USH2A: variants seen among roughly 807,000 people sequenced by gnomAD.
USH2A encodes Usher syndrome 2A (autosomal recessive, mild).
In USH2A, 443 loss-of-function variants were observed where a neutral mutation model predicts 538.9. The ratio of observed to expected loss-of-function variants is 0.82; its 90% CI spans 0.76 to 0.89. The LOEUF is 0.89. Among genes scored for constraint, USH2A ranks in the 40% least tolerant of loss-of-function variants. The pLI is 0.00. For synonymous variants in USH2A, 2,413 were observed against 2,273.5 expected, an observed-to-expected ratio of 1.06 and a Z score of -1.75; for missense variants, 6,633 against 6,324.8, an observed-to-expected ratio of 1.05 and a Z score of -1.65.
intron 21 of USH2A, among the ~76,000 whole-genome samples, chr1:216,156,268 T>TTTTC (rs1006754917): frequency 6.8e-6 from 1 of 147,392 alleles, no homozygotes; most frequent in African/African-American, 2.5e-5. Context: ...CCTTCTTTCT[T>TTTTC]TTTCTTTCTT....
chr1:215,946,948 GA>G (rs912409127), intron 37 of USH2A, among the ~76,000 whole-genome samples: 2 of 151,178 alleles, frequency 1.3e-5, no homozygotes, highest in African/African-American at 2.4e-5. Flanking sequence ...AGATTTGGTA[GA>G]AAAAATAATG....
rs370643158 is a variant in USH2A at position 216,000,491 on chromosome 1, A to G, written c.6397T>C (p.Trp2133Arg). Residue 2133 changes from tryptophan (W) to arginine (R), a missense_variant, in exon 33 of 72, where the codon TGG (tryptophan) becomes CGG (arginine). Transcript: ENST00000307340. ...CTHVGCTNSSWVLLYTAQLPP... is the reference protein window; with the variant it reads ...CTHVGCTNSSRVLLYTAQLPP... ...AGCTGTGCTGTGTACAGTAGGACCCAGGAACTGTTTGTACAGCCCACATGT... is the reference window on the plus strand; with the variant it reads ...AGCTGTGCTGTGTACAGTAGGACCCGGGAACTGTTTGTACAGCCCACATGT... 12 of 1,613,624 alleles carry G rather than the reference A, an allele frequency of 7.4e-6. No homozygotes were observed. The African/African-American group carries it at 1.5e-4, about 20-fold the overall frequency.
chr1:216,044,531 C>T (rs2030429218), intron 32 of USH2A, among the ~76,000 whole-genome samples: 1 of 152,054 alleles, frequency 6.6e-6, no homozygotes, highest in East Asian at 1.9e-4. Context: ...TTAACCTATT[C>T]AGTTTTTACA....
At chr1:216,196,404 G>A (rs1446697711) in intron 19 of USH2A, 149 bp downstream of exon 19, 4 of 754,730 alleles carry the variant, frequency 5.3e-6, no homozygotes, top group Admixed American at 5.0e-5. Context: ...AAAGAGGGAG[G>A]CTTGTACACA....
At chr1:215,790,506 T>A (rs999304631) in intron 50 of USH2A, among the ~76,000 whole-genome samples, 4 of 152,156 alleles carry the variant, frequency 2.6e-5, no homozygotes, top group Admixed American at 6.5e-5. Flanking sequence ...GAGGAAATGT[T>A]CGAAAATCAT....
intron 6 of USH2A, 137 bp downstream of exon 6, chr1:216,325,168 G>T: frequency 9.7e-7 from 1 of 1,030,002 alleles, no homozygotes; most frequent in Non-Finnish European, 1.4e-6. Context: ...ATGTAGCCCT[G>T]CCAACATGTT....
At position 215,671,165 on chromosome 1, in the gene USH2A, C is replaced by T. The variant is rs1210072997; in HGVS notation, c.13940G>A (p.Gly4647Glu). 6 of 1,613,988 alleles carry T rather than the reference C, an allele frequency of 3.7e-6. No homozygotes were observed. Among genetic ancestry groups the T allele is most frequent in the Non-Finnish European group, 4.2e-6 (5 of 1,180,024 alleles). The change falls in exon 64 of 72, where the codon GGA becomes GAA. Residue 4647 changes from glycine to glutamate, a missense_variant. Gly to Glu is a moderately conservative substitution (Grantham distance 98). Coordinates refer to ENST00000307340, the MANE Select transcript of USH2A (RefSeq NM_206933.4). ...PPHLEVQMAP[G>E]GFQPTVSLLW... The stretch of plus-strand genomic sequence containing the variant: ...AAGAGAAACAGTTGGCTGGAATCCT[C>T]CTGGAGCCATTTGTACCTCCAGATG...
rs367564148 is a variant in USH2A, at chr1:215,799,829, T to TA, written c.9740-705dup. On this transcript the variant is annotated intron_variant, in intron 49 of 71. Transcript: ENST00000307340. ...GGTGAAACCCCATCTCTACTAAAAA[T>TA]AAAAAAATTATCCAGGCTTGGTGGT... Among the ~76,000 whole-genome samples, 377 of 151,750 alleles carry TA rather than the reference T, an allele frequency of 2.5e-3. 1 individual carries two copies. The highest frequency in any genetic ancestry group is 8.6e-3 in the African/African-American group (354 of 41,382).
At chr1:215,813,590 CA>C (rs1662763112) in intron 49 of USH2A, 145 bp downstream of exon 49, 1 of 924,130 alleles carries the variant, frequency 1.1e-6, no homozygotes. Context: ...AAGGAAGAAA[CA>C]ATATTTAGAG....
chr1:216,135,166 TCA>T (rs1428367157), intron 21 of USH2A, among the ~76,000 whole-genome samples: 1 of 90,302 alleles, frequency 1.1e-5, no homozygotes, highest in Non-Finnish European at 2.2e-5. Context: ...TCTCTCTCTC[TCA>T]CACACACACA....
chr1:216,040,502 T>C (rs570926392), intron 32 of USH2A, among the ~76,000 whole-genome samples: 1 of 152,162 alleles, frequency 6.6e-6, no homozygotes, highest in East Asian at 1.9e-4. Flanking sequence ...AAAAAGTTTG[T>C]AGGCTTTTTG....
intron 38 of USH2A, among the ~76,000 whole-genome samples, chr1:215,906,949 C>A: frequency 6.6e-6 from 1 of 151,954 alleles, no homozygotes. Context: ...TATCCTCTCA[C>A]CAAATAAGGA....
chr1:216,210,132 C>G (rs893715536), intron 15 of USH2A, among the ~76,000 whole-genome samples: 14 of 152,062 alleles, frequency 9.2e-5, no homozygotes, highest in African/African-American at 3.4e-4. Flanking sequence ...AGGGTTTCCC[C>G]ACTCAGTCGA....
chr1:216,111,612 A>G (rs1467041904), intron 21 of USH2A, among the ~76,000 whole-genome samples: 2 of 152,022 alleles, frequency 1.3e-5, no homozygotes, highest in Non-Finnish European at 1.5e-5. Context: ...TTATTAAACT[A>G]GTAGAATAAA....
At position 215,926,180 on chromosome 1, in the gene USH2A, T is replaced by C. The variant is rs1350485011; in HGVS notation, c.7300+8436A>G. ...ATATTCTTGCTTTTTGAGCCAGTTCTAGTTGCCCCTAATTCTCTTAGAGAC... is the reference window on the plus strand; with the variant it reads ...ATATTCTTGCTTTTTGAGCCAGTTCCAGTTGCCCCTAATTCTCTTAGAGAC... On this transcript the variant is annotated intron_variant, in intron 38 of 71. Transcript: ENST00000307340. Among the ~76,000 whole-genome samples the C allele has an allele frequency of 2.7e-5, 4 of 147,034 alleles. No individual in the cohort carries two copies. In the Admixed American group the frequency reaches 2.8e-4, roughly 10 times the overall value.
At chr1:215,742,180 C>A (rs1247575089) in intron 59 of USH2A, among the ~76,000 whole-genome samples, 7 of 152,100 alleles carry the variant, frequency 4.6e-5, no homozygotes, top group Non-Finnish European at 1.0e-4. Context: ...AACTGACTAG[C>A]CATTTCTGAT....
rs58631485 is a variant in USH2A, at chr1:215,682,711, G to A, written c.12067-2335C>T. ...TTTTAGGGGTATACTCCTACAAAGGGTCATTACAACAGTTGTTTTGCTTAA... is the reference window on the plus strand; with the variant it reads ...TTTTAGGGGTATACTCCTACAAAGGATCATTACAACAGTTGTTTTGCTTAA... On this transcript the variant is annotated intron_variant, in intron 61 of 71. Transcript: ENST00000307340. 2.8e-3 allele frequency among the ~76,000 whole-genome samples: 430 copies of A among 151,116 alleles called. 3 individuals carry two copies. The highest frequency in any genetic ancestry group is 7.8e-3 in the African/African-American group (319 of 41,124).
At chr1:215,806,289 C>A (rs529171170) in intron 49 of USH2A, among the ~76,000 whole-genome samples, 2 of 149,902 alleles carry the variant, frequency 1.3e-5, no homozygotes, top group East Asian at 3.9e-4. Context: ...AATTCCACTT[C>A]AGTGCATCTG....
chr1:216,082,966 T>G (rs2032000321), intron 26 of USH2A, among the ~76,000 whole-genome samples: 1 of 152,048 alleles, frequency 6.6e-6, no homozygotes, highest in South Asian at 2.1e-4. Flanking sequence ...AAAATTCTGA[T>G]TACCTATGAC....
Sources: gnomAD v4.1 joint callset for allele counts (sites outside exome capture counted in the v4.1 genomes callset) on GRCh38, gnomAD v4.1.1 for gene constraint, MANE v1.5 for transcripts, NCBI Gene and HGNC (gene_info 2026-07-23, HGNC 2026-07-21) for gene names.